GRID2: variants seen among roughly 807,000 people sequenced by gnomAD.
The protein encoded by GRID2 is glutamate ionotropic receptor delta type subunit 2.
A neutral mutation model predicts 114.8 loss-of-function variants in GRID2; 33 were observed. The observed-to-expected ratio is 0.29, with a 90% CI of 0.22 to 0.38. The LOEUF is 0.38. Among genes scored for constraint, GRID2 ranks in the 10% least tolerant of loss-of-function variants. GRID2 has a pLI of 1.00. For missense variants in GRID2, 1,184 were observed against 1,257.7 expected (o/e 0.94, Z 0.89); for synonymous variants, 505 against 449.9 (o/e 1.12, Z -1.55).
chr4:92,897,575 A>G (rs1349836984), intron 2 of GRID2, among the ~76,000 whole-genome samples: 1 of 152,158 alleles, frequency 6.6e-6, no homozygotes, highest in Non-Finnish European at 1.5e-5. Flanking sequence ...CCTTAGTTGC[A>G]TTGCAGAATA....
chr4:93,177,946 AACT>A (rs986420582), intron 4 of GRID2, among the ~76,000 whole-genome samples: 2 of 152,164 alleles, frequency 1.3e-5, no homozygotes, highest in African/African-American at 4.8e-5. Context: ...AAAAATAAAA[AACT>A]ACTATTTGTC....
intron 2 of GRID2, among the ~76,000 whole-genome samples, chr4:92,696,236 C>T (rs368936152): frequency 6.6e-6 from 1 of 152,144 alleles, no homozygotes; most frequent in East Asian, 1.9e-4. Context: ...ATTTCAGAGC[C>T]TTGGAGCATA....
intron 9 of GRID2, among the ~76,000 whole-genome samples, chr4:93,419,607 G>T (rs1451104711): frequency 1.3e-5 from 2 of 152,008 alleles, no homozygotes; most frequent in Non-Finnish European, 2.9e-5. Flanking sequence ...TGCAATGAAA[G>T]TTTATTTAGG....
At chr4:92,466,596 G>T (rs754477585) in intron 1 of GRID2, among the ~76,000 whole-genome samples, 1 of 151,560 alleles carries the variant, frequency 6.6e-6, no homozygotes, top group African/African-American at 2.4e-5. Flanking sequence ...AAAATTATTT[G>T]CCATTACTCA....
chr4:93,199,979 C>T (rs1374038902), intron 4 of GRID2, among the ~76,000 whole-genome samples: 1 of 152,134 alleles, frequency 6.6e-6, no homozygotes, highest in East Asian at 1.9e-4. Flanking sequence ...CACTGTGTTT[C>T]AGACATAGTA....
At chr4:93,747,804 G>A (rs1440649614) in intron 14 of GRID2, among the ~76,000 whole-genome samples, 2 of 151,586 alleles carry the variant, frequency 1.3e-5, no homozygotes, top group African/African-American at 2.4e-5. Context: ...CCCCCCAGTG[G>A]ACAGAAATTT....
intron 2 of GRID2, among the ~76,000 whole-genome samples, chr4:92,977,827 A>G (rs773792267): frequency 5.3e-5 from 8 of 152,172 alleles, no homozygotes; most frequent in Non-Finnish European, 7.4e-5. Context: ...AGTCTGAGCA[A>G]TTAGATAGCT....
chr4:93,405,726 C>T (rs1023159496), intron 9 of GRID2, among the ~76,000 whole-genome samples: 1 of 152,168 alleles, frequency 6.6e-6, no homozygotes, highest in Non-Finnish European at 1.5e-5. Flanking sequence ...CAGTGTACCA[C>T]TCCATCTGAA....
intron 6 of GRID2, among the ~76,000 whole-genome samples, chr4:93,218,013 G>C (rs1251411997): frequency 6.6e-6 from 1 of 151,228 alleles, no homozygotes; most frequent in Admixed American, 6.6e-5. Flanking sequence ...GATAAATAAG[G>C]TGCTTTTGCA....
At chr4:92,896,280 C>A (rs1249204736) in intron 2 of GRID2, among the ~76,000 whole-genome samples, 5 of 152,132 alleles carry the variant, frequency 3.3e-5, no homozygotes, top group Admixed American at 1.3e-4. Flanking sequence ...GGGTTGTATT[C>A]AACGTGATTT....
chr4:92,555,000 G>A (rs1440822276), intron 1 of GRID2, among the ~76,000 whole-genome samples: 1 of 152,104 alleles, frequency 6.6e-6, no homozygotes, highest in African/African-American at 2.4e-5. Context: ...TATTACAGTT[G>A]TTTAATAAAA....
At chr4:93,562,772 C>T (rs1735045755) in intron 13 of GRID2, among the ~76,000 whole-genome samples, 1 of 152,000 alleles carries the variant, frequency 6.6e-6, no homozygotes, top group Admixed American at 6.6e-5. Context: ...TGTTCTAGCA[C>T]CATTTGTTGA....
intron 2 of GRID2, among the ~76,000 whole-genome samples, chr4:92,865,218 G>C (rs891964086): frequency 2.0e-5 from 3 of 152,076 alleles, no homozygotes; most frequent in Non-Finnish European, 4.4e-5. Context: ...TGCCTTTACT[G>C]TCATAATATT....
chr4:92,794,815 C>T (rs376435169), intron 2 of GRID2, among the ~76,000 whole-genome samples: 35 of 147,716 alleles, frequency 2.4e-4, no homozygotes, highest in South Asian at 2.1e-3. Flanking sequence ...AACTATCAAC[C>T]GGCTACTGTT....
intron 14 of GRID2, among the ~76,000 whole-genome samples, chr4:93,754,080 G>A (rs1732549687): frequency 6.6e-6 from 1 of 152,152 alleles, no homozygotes; most frequent in African/African-American, 2.4e-5. Flanking sequence ...ACTGAAGACT[G>A]TGGGTAATAG....
intron 14 of GRID2, among the ~76,000 whole-genome samples, chr4:93,663,049 G>C (rs555325759): frequency 6.6e-6 from 1 of 152,242 alleles, no homozygotes; most frequent in South Asian, 2.1e-4. Context: ...GCCACAGAGA[G>C]ACACAGATAA....
chr4:92,424,912 G>T (rs1732082386), intron 1 of GRID2, among the ~76,000 whole-genome samples: 1 of 151,792 alleles, frequency 6.6e-6, no homozygotes, highest in African/African-American at 2.4e-5. Flanking sequence ...TATTTACTAG[G>T]ATAAAATAAT....
chr4:93,012,565 C>T (rs1449856251), intron 2 of GRID2, among the ~76,000 whole-genome samples: 2 of 151,996 alleles, frequency 1.3e-5, no homozygotes. Flanking sequence ...TCATCCAGAG[C>T]TGGACTCTGG....
intron 8 of GRID2, among the ~76,000 whole-genome samples, chr4:93,313,185 T>C (rs970376734): frequency 6.6e-6 from 1 of 152,128 alleles, no homozygotes; most frequent in African/African-American, 2.4e-5. Context: ...AAAAGGGACA[T>C]TGACATAATC....
Sources: gnomAD v4.1 joint callset for allele counts (sites outside exome capture counted in the v4.1 genomes callset) on GRCh38, gnomAD v4.1.1 for gene constraint, MANE v1.5 for transcripts, NCBI Gene and HGNC (gene_info 2026-07-23, HGNC 2026-07-21) for gene names.